The following MSI2 variants were observed in gnomAD, a reference collection of about 807,000 sequenced individuals.
MSI2 encodes the protein RNA-binding protein Musashi homolog 2.
In MSI2, 17 loss-of-function variants were observed where a neutral mutation model predicts 45.6. The ratio of observed to expected loss-of-function variants is 0.37; its 90% confidence interval spans 0.26 to 0.56. MSI2 has a LOEUF of 0.56. Among genes scored for constraint, MSI2 ranks in the 20% least tolerant of loss-of-function variants. MSI2 has a pLI of 0.77. For synonymous variants in MSI2, 156 were observed against 158.2 expected, an observed-to-expected ratio of 0.99 and a Z score of 0.11; for missense variants, 293 against 444.2, an observed-to-expected ratio of 0.66 and a Z score of 3.06.
At chr17:57,636,930 C>T (rs1470008314) in intron 10 of MSI2, among the ~76,000 whole-genome samples, 1 of 152,186 alleles carries the variant, frequency 6.6e-6, no homozygotes, top group African/African-American at 2.4e-5. Flanking sequence ...TGGACTCGTG[C>T]GTCCAGGGAC....
At chr17:57,606,033 C>G (rs1407412043) in intron 8 of MSI2, among the ~76,000 whole-genome samples, 1 of 152,212 alleles carries the variant, frequency 6.6e-6, no homozygotes, top group Non-Finnish European at 1.5e-5. Flanking sequence ...AATAGTGCGG[C>G]CTGGGAAGCT....
chr17:57,352,200 T>C (rs1916082734), intron 5 of MSI2, among the ~76,000 whole-genome samples: 1 of 152,246 alleles, frequency 6.6e-6, no homozygotes, highest in South Asian at 2.1e-4. Flanking sequence ...TGTTAAGTCA[T>C]GAACCTGGAT....
Position 57,617,762 on chromosome 17 carries a change from C to G in MSI2, c.652+1678C>G, listed in dbSNP as rs1165573231. Among the ~76,000 whole-genome samples the G allele has an allele frequency of 2.0e-5, 3 of 151,872 alleles. No individual in the cohort carries two copies. In the East Asian group the frequency reaches 5.8e-4, roughly 29 times the overall value. ...CAGCCTGGGCAACATAGCAAGACCCCCTCTCTACAAAAAATAATAAACATT... is the reference window on the plus strand; with the variant it reads ...CAGCCTGGGCAACATAGCAAGACCCGCTCTCTACAAAAAATAATAAACATT... On this transcript the variant is annotated intron_variant, in intron 9 of 13. Transcript: ENST00000284073.
intron 8 of MSI2, among the ~76,000 whole-genome samples, chr17:57,599,996 C>A (rs757615213): frequency 2.0e-5 from 3 of 152,158 alleles, no homozygotes; most frequent in Non-Finnish European, 4.4e-5. Flanking sequence ...CCAGCCAATT[C>A]CCCTCCTCTG....
At chr17:57,271,419 T>C (rs2143279848) in intron 5 of MSI2, among the ~76,000 whole-genome samples, 1 of 152,280 alleles carries the variant, frequency 6.6e-6, no homozygotes, top group Admixed American at 6.5e-5. Context: ...AGTCTTCTTT[T>C]TAAGAAATCC....
chr17:57,591,916 C>G (rs1385513188), intron 7 of MSI2, among the ~76,000 whole-genome samples: 1 of 151,184 alleles, frequency 6.6e-6, no homozygotes. Flanking sequence ...CACATTGGCT[C>G]AATCCCAGCA....
chr17:57,661,415 A>C (rs1304590850), intron 11 of MSI2, among the ~76,000 whole-genome samples: 1 of 152,188 alleles, frequency 6.6e-6, no homozygotes, highest in Non-Finnish European at 1.5e-5. Flanking sequence ...AGAGACAGTC[A>C]AGGTTCTGGG....
intron 6 of MSI2, among the ~76,000 whole-genome samples, chr17:57,418,370 A>AT (rs1430853240): frequency 6.6e-6 from 1 of 152,246 alleles, no homozygotes; most frequent in Non-Finnish European, 1.5e-5. Context: ...ATGTAGGCAC[A>AT]TGTCAGAAAG....
At chr17:57,478,183 A>G (rs2085578828) in intron 6 of MSI2, among the ~76,000 whole-genome samples, 1 of 152,198 alleles carries the variant, frequency 6.6e-6, no homozygotes, top group South Asian at 2.1e-4. Context: ...CCAAAAGCCA[A>G]TAGACAGTTC....
intron 5 of MSI2, among the ~76,000 whole-genome samples, chr17:57,366,620 C>T (rs1034272342): frequency 2.0e-5 from 3 of 152,218 alleles, no homozygotes; most frequent in Admixed American, 6.5e-5. Flanking sequence ...TTGCTCCCTA[C>T]GGGTTGTCCT....
intron 5 of MSI2, among the ~76,000 whole-genome samples, chr17:57,345,313 A>G (rs1369844982): frequency 6.6e-6 from 1 of 151,756 alleles, no homozygotes; most frequent in Admixed American, 6.6e-5. Flanking sequence ...TGGGACATTC[A>G]TGTGTGTTTA....
At chr17:57,400,110 T>C (rs1417499925) in intron 5 of MSI2, among the ~76,000 whole-genome samples, 1 of 152,248 alleles carries the variant, frequency 6.6e-6, no homozygotes, top group Non-Finnish European at 1.5e-5. Context: ...CATCAAATTC[T>C]ACAATTTTGT....
chr17:57,264,925 C>T (rs1325735133), intron 5 of MSI2: 6 of 152,250 alleles, frequency 3.9e-5, no homozygotes, highest in African/African-American at 1.4e-4. Flanking sequence ...TTGCCTTGCC[C>T]CATCATGTTA....
At chr17:57,367,720 A>G (rs1598176710) in intron 5 of MSI2, among the ~76,000 whole-genome samples, 2 of 152,300 alleles carry the variant, frequency 1.3e-5, no homozygotes, top group Admixed American at 1.3e-4. Flanking sequence ...TTTTATAAAT[A>G]AATGTCATGA....
intron 7 of MSI2, among the ~76,000 whole-genome samples, chr17:57,575,741 C>T (rs986543101): frequency 9.2e-5 from 14 of 151,500 alleles, no homozygotes; most frequent in Non-Finnish European, 7.4e-5. Context: ...GTCAGGAGAT[C>T]GAGACCATCC....
intron 5 of MSI2, among the ~76,000 whole-genome samples, chr17:57,385,056 A>T (rs547052548): frequency 5.3e-5 from 8 of 152,064 alleles, no homozygotes; most frequent in African/African-American, 1.2e-4. Context: ...CCTCTTTGTT[A>T]TGCAAATGAT....
At chr17:57,471,420 AG>A (rs2085435644) in intron 6 of MSI2, among the ~76,000 whole-genome samples, 1 of 151,154 alleles carries the variant, frequency 6.6e-6, no homozygotes, top group Non-Finnish European at 1.5e-5. Flanking sequence ...CCGCCTGAGT[AG>A]CTGGGATTAC....
chr17:57,333,348 T>C (rs548290671), intron 5 of MSI2, among the ~76,000 whole-genome samples: 1 of 152,108 alleles, frequency 6.6e-6, no homozygotes, highest in South Asian at 2.1e-4. Flanking sequence ...GCATTTGAGC[T>C]CTTCCTCTTC....
At chr17:57,670,796 T>TG (rs1390263376) in intron 11 of MSI2, among the ~76,000 whole-genome samples, 8 of 152,232 alleles carry the variant, frequency 5.3e-5, no homozygotes, top group Non-Finnish European at 8.8e-5. Flanking sequence ...ACCTGCCTTA[T>TG]TGGCCTCTGC....
Sources: allele counts gnomAD v4.1 joint callset (sites outside exome capture counted in the v4.1 genomes callset), GRCh38; gene constraint gnomAD v4.1.1; transcripts MANE v1.5; gene names NCBI Gene and HGNC (gene_info 2026-07-23, HGNC 2026-07-21).